Variants in ADGRV1 observed in about 807,000 individuals in gnomAD.
The protein encoded by ADGRV1 is G-protein coupled receptor 98.
Under a neutral mutation model 596.2 loss-of-function variants are expected in ADGRV1, and 359 were observed. That is an observed-to-expected ratio of 0.60 (90% CI 0.55 to 0.66). The LOEUF is 0.66. ADGRV1 is among the 30% of genes least tolerant of loss of function. ADGRV1 has a pLI of 0.00. For missense variants in ADGRV1, 7,274 were observed against 7,575.6 expected, an observed-to-expected ratio of 0.96 and a Z score of 1.48; for synonymous variants, 2,681 against 2,679.2, an observed-to-expected ratio of 1.00 and a Z score of -0.02.
At chr5:91,131,512 A>C (rs1794216469) in intron 87 of ADGRV1, among the ~76,000 whole-genome samples, 1 of 150,344 alleles carries the variant, frequency 6.7e-6, no homozygotes, top group Admixed American at 6.7e-5. Flanking sequence ...GTACAGTGGC[A>C]TGATCTCGGC....
chr5:91,004,232 T>A (rs10053919), intron 85 of ADGRV1, among the ~76,000 whole-genome samples: 4 of 152,106 alleles, frequency 2.6e-5, no homozygotes, highest in Non-Finnish European at 4.4e-5. Context: ...ATTTTCTTCC[T>A]GCATGAATGA....
intron 34 of ADGRV1, among the ~76,000 whole-genome samples, chr5:90,701,602 G>GTA (rs1426911301): frequency 1.3e-5 from 2 of 151,956 alleles, no homozygotes; most frequent in African/African-American, 4.8e-5. Flanking sequence ...ATGTGTTTGT[G>GTA]TATATGTGTG....
intron 44 of ADGRV1, 80 bp downstream of exon 44, chr5:90,720,303 G>T: frequency 1.1e-6 from 1 of 892,996 alleles, no homozygotes; most frequent in Non-Finnish European, 1.6e-6. Flanking sequence ...AATGCAGAAG[G>T]AAATTGATAT....
chr5:90,819,401 G>A (rs1427620901), intron 75 of ADGRV1, among the ~76,000 whole-genome samples: 3 of 151,270 alleles, frequency 2.0e-5, no homozygotes, highest in Admixed American at 6.6e-5. Context: ...AGAGTTTTTT[G>A]TGTCTCTATT....
At chr5:91,083,420 C>T (rs1789589633) in intron 86 of ADGRV1, among the ~76,000 whole-genome samples, 1 of 152,094 alleles carries the variant, frequency 6.6e-6, no homozygotes, top group East Asian at 1.9e-4. Flanking sequence ...TAATGGTTAG[C>T]ACAATACCCA....
chr5:90,590,251 G>A (rs1478404305), intron 1 of ADGRV1, among the ~76,000 whole-genome samples: 1 of 152,184 alleles, frequency 6.6e-6, no homozygotes, highest in Non-Finnish European at 1.5e-5. Context: ...ATTTCTCACA[G>A]GTCTAGGGTT....
chr5:90,622,515 G>T, intron 4 of ADGRV1, 82 bp from the exon 5 acceptor site: 1 of 467,812 alleles, frequency 2.1e-6, no homozygotes, highest in Non-Finnish European at 3.7e-6. Flanking sequence ...TGGAAATTGA[G>T]CGTTTCTGAG....
intron 87 of ADGRV1, among the ~76,000 whole-genome samples, chr5:91,146,998 C>CA (rs1332310249): frequency 2.6e-5 from 4 of 151,660 alleles, no homozygotes; most frequent in Non-Finnish European, 4.4e-5. Context: ...CCCATCTGTA[C>CA]AAAAAATAAA....
At chr5:91,007,072 C>A (rs922342241) in intron 85 of ADGRV1, among the ~76,000 whole-genome samples, 1 of 152,182 alleles carries the variant, frequency 6.6e-6, no homozygotes. Context: ...AATGCAAGAG[C>A]GGTTATGCCA....
chr5:90,668,354 G>A (rs1771863317), intron 21 of ADGRV1, among the ~76,000 whole-genome samples: 3 of 151,958 alleles, frequency 2.0e-5, no homozygotes, highest in Non-Finnish European at 4.4e-5. Context: ...CAGTATTCTG[G>A]TGGGAGTGAC....
intron 4 of ADGRV1, among the ~76,000 whole-genome samples, chr5:90,620,028 C>G (rs1324657563): frequency 6.6e-6 from 1 of 151,824 alleles, no homozygotes; most frequent in Non-Finnish European, 1.5e-5. Context: ...GGTTCCAAGT[C>G]TTTGCTATTG....
intron 7 of ADGRV1, 148 bp from the exon 8 acceptor site, chr5:90,628,414 A>C (rs912937756): frequency 9.9e-6 from 7 of 707,930 alleles, no homozygotes; most frequent in Non-Finnish European, 1.7e-5. Flanking sequence ...CCAGTCTCAA[A>C]CAAACAAAAA....
At chr5:90,844,563 C>G (rs919066669) in intron 78 of ADGRV1, among the ~76,000 whole-genome samples, 1 of 152,172 alleles carries the variant, frequency 6.6e-6, no homozygotes, top group Non-Finnish European at 1.5e-5. Flanking sequence ...TTTAAAAGCT[C>G]TTAGTCGTCT....
intron 83 of ADGRV1, among the ~76,000 whole-genome samples, chr5:90,874,824 C>G (rs1769070441): frequency 6.6e-6 from 1 of 151,918 alleles, no homozygotes. Flanking sequence ...CACCACTGCA[C>G]TCCAGCCCGG....
At chr5:91,079,024 A>G (rs1175356986) in intron 86 of ADGRV1, among the ~76,000 whole-genome samples, 1 of 152,202 alleles carries the variant, frequency 6.6e-6, no homozygotes, top group Non-Finnish European at 1.5e-5. Context: ...AAAACATGAT[A>G]TGATTTTTTT....
Position 90,899,786 on chromosome 5 carries a change from A to G in ADGRV1, c.17856+35929A>G, listed in dbSNP as rs78641579. Among the ~76,000 whole-genome samples, 357 of 151,522 alleles carry G rather than the reference A, an allele frequency of 2.4e-3. 5 individuals are homozygous for G. The East Asian group carries it at 0.034, about 14-fold the overall frequency. On this transcript the variant is annotated intron_variant, in intron 83 of 89. Transcript: ENST00000405460. ...CAGACTCTCATGCTCCATTCCTTCC[A>G]CTCTTTCCACCTCAATCTGTTCTAC...
intron 85 of ADGRV1, among the ~76,000 whole-genome samples, chr5:91,001,719 G>A (rs963288880): frequency 6.6e-6 from 1 of 151,990 alleles, no homozygotes; most frequent in African/African-American, 2.4e-5. Context: ...TATTTTTATT[G>A]CATGTTTCAG....
chr5:91,024,758 T>C (rs1783891172), intron 85 of ADGRV1, among the ~76,000 whole-genome samples: 1 of 152,156 alleles, frequency 6.6e-6, no homozygotes, highest in Non-Finnish European at 1.5e-5. Flanking sequence ...TAAAGTTAAA[T>C]CTTTCTTTTC....
intron 58 of ADGRV1, chr5:90,759,972 A>G (rs1203675013): frequency 2.1e-5 from 3 of 142,358 alleles, no homozygotes; most frequent in Admixed American, 7.6e-5. Flanking sequence ...TCAAAAAAAA[A>G]AAAAAAAAAA....
Sources: gnomAD v4.1 joint callset for allele counts (sites outside exome capture counted in the v4.1 genomes callset) on GRCh38, gnomAD v4.1.1 for gene constraint, MANE v1.5 for transcripts, NCBI Gene and HGNC (gene_info 2026-07-23, HGNC 2026-07-21) for gene names.